The following CYSTM1 variants were observed in gnomAD, a reference collection of about 807,000 sequenced individuals.
CYSTM1 encodes the protein cysteine-rich transmembrane module-containing protein 1.
In CYSTM1, 4 loss-of-function variants were observed where a neutral mutation model predicts 13.1. The observed-to-expected ratio is 0.31, with a 90% CI of 0.15 to 0.70. CYSTM1 has a LOEUF of 0.70. Among genes scored for constraint, CYSTM1 ranks in the 30% least tolerant of loss-of-function variants. The pLI is 0.72. For synonymous variants in CYSTM1, 36 were observed against 42.7 expected, an observed-to-expected ratio of 0.84 and a Z score of 0.62; for missense variants, 96 against 121.6, an observed-to-expected ratio of 0.79 and a Z score of 0.99.
At chr5:140,224,932 A>G (rs1764530877) in intron 2 of CYSTM1, among the ~76,000 whole-genome samples, 2 of 152,200 alleles carry the variant, frequency 1.3e-5, no homozygotes, top group Admixed American at 6.5e-5. Context: ...CTGTAATCCC[A>G]GTACTTTGGG....
At chr5:140,201,976 T>G (rs9765262) in intron 2 of CYSTM1, 1 of 139,316 alleles carries the variant, frequency 7.2e-6, no homozygotes, top group Non-Finnish European at 1.5e-5. Flanking sequence ...TGCTCTGTCA[T>G]CCAGGCTGGA....
chr5:140,186,716 GATGC>G (rs1422529528), intron 1 of CYSTM1, among the ~76,000 whole-genome samples: 1 of 152,188 alleles, frequency 6.6e-6, no homozygotes, highest in East Asian at 1.9e-4. Flanking sequence ...GGTTATAGTT[GATGC>G]TCCTATAAGT....
chr5:140,207,777 C>T (rs922463598), intron 2 of CYSTM1, among the ~76,000 whole-genome samples: 2 of 152,176 alleles, frequency 1.3e-5, no homozygotes, highest in Admixed American at 6.5e-5. Flanking sequence ...TTCTTTGCTC[C>T]TCTCTTGGCT....
chr5:140,210,665 C>T (rs13361772), intron 2 of CYSTM1, among the ~76,000 whole-genome samples: 4,233 of 152,126 alleles, frequency 0.028, 200 homozygotes, highest in African/African-American at 0.097. Flanking sequence ...GTATGCACCA[C>T]GATGCCCAGC....
In CYSTM1 at chr5:140,230,457, G is replaced by A. The variant is rs964588263; in HGVS notation, c.188-12848G>A. On this transcript the variant is annotated intron_variant, in intron 2 of 2. Transcript: ENST00000261811. This position sits in a 1 kb window ranked among gnomAD's most constrained non-coding sequence, Gnocchi z 4.1. ...AGGTTAGAGGGGTGGATTCCAGGAT[G>A]AGAGATGGTTGATGGAAGGAAAGAA... Among the ~76,000 whole-genome samples the A allele has an allele frequency of 2.0e-5, 3 of 152,224 alleles. No individual in the cohort carries two copies. Among genetic ancestry groups the A allele is most frequent in the African/African-American group, 7.2e-5 (3 of 41,454 alleles).
chr5:140,194,589 C>T lies in CYSTM1; in HGVS notation c.124C>T (p.Pro42Ser). The T allele has an allele frequency of 6.2e-7, 1 of 1,613,574 alleles. No homozygotes were observed. Residue 42 changes from proline to serine, a missense_variant, in exon 2 of 3, where the codon CCC (proline) becomes TCC (serine). Pro to Ser is a moderately conservative substitution (Grantham distance 74). Coordinates refer to ENST00000261811, the MANE Select transcript of CYSTM1 (RefSeq NM_032412.4). The stretch of plus-strand genomic sequence containing the variant: ...ACCCTACCCACCTCCTCAAGGGTAC[C>T]CCTACCAAGGATACCCACAGTACGG... ...GGPYPPPQGY[P>S]YQGYPQYGWQ...
At position 140,199,525 on chromosome 5, in the gene CYSTM1, CTG is replaced by C. The variant is rs200325141; in HGVS notation, c.187+4875_187+4876del. 1.1e-3 allele frequency among the ~76,000 whole-genome samples: 165 copies of C among 152,328 alleles called. 3 individuals are homozygous for C. The East Asian group carries it at 0.029, about 27-fold the overall frequency. Reference sequence around the variant, plus strand: ...GTGTTTTTTGAGATGGAGTCTCACACTGTCGCCCAGGCTGGAGTGCAGTGGCG... The same window carrying C: ...GTGTTTTTTGAGATGGAGTCTCACACTCGCCCAGGCTGGAGTGCAGTGGCG... On this transcript the variant is annotated intron_variant, in intron 2 of 2. Transcript: ENST00000261811.
At chr5:140,218,886 C>G (rs1188814625) in intron 2 of CYSTM1, among the ~76,000 whole-genome samples, 1 of 152,220 alleles carries the variant, frequency 6.6e-6, no homozygotes, top group Non-Finnish European at 1.5e-5. Flanking sequence ...AAATCAGATG[C>G]CCTCTGGCCC....
chr5:140,208,010 A>G (rs1764317825), intron 2 of CYSTM1, among the ~76,000 whole-genome samples: 1 of 152,214 alleles, frequency 6.6e-6, no homozygotes, highest in African/African-American at 2.4e-5. Flanking sequence ...AATTAGTACA[A>G]CTACTATAGG....
intron 1 of CYSTM1, among the ~76,000 whole-genome samples, chr5:140,183,380 C>G (rs1438636490): frequency 6.6e-6 from 1 of 152,178 alleles, no homozygotes; most frequent in East Asian, 1.9e-4. Context: ...TCTTTTGAGC[C>G]TCTCTCTTGC....
chr5:140,206,650 A>G (rs1195811090), intron 2 of CYSTM1, among the ~76,000 whole-genome samples: 1 of 148,308 alleles, frequency 6.7e-6, no homozygotes, highest in African/African-American at 2.5e-5. Context: ...TTCTTTTTTG[A>G]GACAGGATCT....
rs561469043 is a variant in CYSTM1, at chr5:140,217,303, A to G, written c.187+22651A>G. 4.6e-5 allele frequency among the ~76,000 whole-genome samples: 7 copies of G among 152,070 alleles called. No homozygotes were observed. The South Asian group carries it at 8.3e-4, about 18-fold the overall frequency. ...GGTAATTTGTTTGTGAAGGATTAAT[A>G]TTTCTCTCTCCTCCTCCTGAGCCTC... On this transcript the variant is annotated intron_variant, in intron 2 of 2. Transcript: ENST00000261811.
chr5:140,193,099 C>T (rs745817845), intron 1 of CYSTM1, among the ~76,000 whole-genome samples: 1 of 152,178 alleles, frequency 6.6e-6, no homozygotes, highest in Non-Finnish European at 1.5e-5. Flanking sequence ...GAAATTATTA[C>T]ATTTTGAATC....
At chr5:140,228,684 G>T in intron 2 of CYSTM1, 2 of 398,828 alleles carry the variant, frequency 5.0e-6, no homozygotes, top group South Asian at 2.6e-4. Context: ...AGTCCCCTCT[G>T]ACTGGGTCTC....
chr5:140,238,990 G>C (rs1413404880), intron 2 of CYSTM1, among the ~76,000 whole-genome samples: 2 of 152,170 alleles, frequency 1.3e-5, no homozygotes, highest in African/African-American at 2.4e-5. Context: ...TGGGTGATAA[G>C]GGGCCACGGT....
At chr5:140,195,874 G>A (rs966119200) in intron 2 of CYSTM1, among the ~76,000 whole-genome samples, 2 of 151,486 alleles carry the variant, frequency 1.3e-5, no homozygotes, top group African/African-American at 2.4e-5. Flanking sequence ...GTGAAACCCC[G>A]TCTCTACTAA....
chr5:140,223,047 T>G lies in CYSTM1; in HGVS notation c.188-20258T>G, dbSNP rs144750957. On this transcript the variant is annotated intron_variant, in intron 2 of 2. Coordinates refer to ENST00000261811, the MANE Select transcript of CYSTM1 (RefSeq NM_032412.4). ...TGAGCCCATCTCTGCCTCAGTGCTG[T>G]ATTCTTAAGGACTGCTTGATATTTC... Among the ~76,000 whole-genome samples, 12 of 152,372 alleles carry G rather than the reference T, an allele frequency of 7.9e-5. No homozygotes were observed. The East Asian group carries it at 1.7e-3, about 22-fold the overall frequency.
intron 2 of CYSTM1, among the ~76,000 whole-genome samples, chr5:140,207,073 C>T (rs899363787): frequency 6.6e-6 from 1 of 152,198 alleles, no homozygotes; most frequent in African/African-American, 2.4e-5. Flanking sequence ...GGAAAAGTTT[C>T]ACATAGACAG....
rs532318765 is a variant in CYSTM1 at position 140,191,535 on chromosome 5, T to C, written c.-20-2911T>C. Among the ~76,000 whole-genome samples, 4 of 152,292 alleles carry C rather than the reference T, an allele frequency of 2.6e-5. No homozygotes were observed. In the South Asian group the frequency reaches 8.3e-4, roughly 32 times the overall value. On this transcript the variant is annotated intron_variant, in intron 1 of 2. Coordinates refer to ENST00000261811, the MANE Select transcript of CYSTM1 (RefSeq NM_032412.4). ...ATAATGAGGAATAAATGCAAACAAATGGATCAATAAAAGTCATGAAACATT... is the reference window on the plus strand; with the variant it reads ...ATAATGAGGAATAAATGCAAACAAACGGATCAATAAAAGTCATGAAACATT...
Sources: gnomAD v4.1 joint callset for allele counts (sites outside exome capture counted in the v4.1 genomes callset) on GRCh38, gnomAD v4.1.1 for gene constraint, Gnocchi (gnomAD v3.1) non-coding constraint, MANE v1.5 for transcripts, NCBI Gene and HGNC (gene_info 2026-07-23, HGNC 2026-07-21) for gene names.